Variants in CHM observed in about 807,000 individuals in gnomAD.
CHM encodes CHM Rab escort protein.
In CHM, 10 loss-of-function variants were observed where a neutral mutation model predicts 49.0. That is an observed-to-expected ratio of 0.20 (90% CI 0.13 to 0.35). CHM has a LOEUF of 0.35. Among genes scored for constraint, CHM ranks in the 10% least tolerant of loss-of-function variants. CHM has a pLI of 1.00. For missense variants in CHM, 455 were observed against 478.4 expected (o/e 0.95, Z 0.46); for synonymous variants, 184 against 167.5 (o/e 1.10, Z -0.76).
At chrX:85,871,214 G>A (rs1924039644) in intron 14 of CHM, among the ~76,000 whole-genome samples, 1 of 101,750 alleles carries the variant, frequency 9.8e-6, no homozygotes, top group African/African-American at 3.6e-5. Flanking sequence ...GGCTGAGGCA[G>A]GAGAATGGCA....
intron 1 of CHM, among the ~76,000 whole-genome samples, chrX:86,028,878 G>T (rs189248071): frequency 9.0e-6 from 1 of 111,459 alleles, no homozygotes; most frequent in Admixed American, 9.5e-5. Flanking sequence ...CAGTCTTTTG[G>T]CAAGGGTTTA....
At chrX:86,009,417 T>C (rs978576617) in intron 2 of CHM, among the ~76,000 whole-genome samples, 1 of 111,971 alleles carries the variant, frequency 8.9e-6, no homozygotes, top group South Asian at 3.7e-4. Flanking sequence ...GCAGACAAAG[T>C]GTACACTAAC....
intron 8 of CHM, among the ~76,000 whole-genome samples, chrX:85,940,905 A>T (rs772605560): frequency 9.0e-6 from 1 of 110,979 alleles, no homozygotes; most frequent in Admixed American, 9.7e-5. Flanking sequence ...CTGATCATGC[A>T]TTCATACCTC....
In CHM at chrX:85,900,977, A is replaced by C. The variant is rs1306660220; in HGVS notation, c.1349+107T>G. The C allele has an allele frequency of 7.0e-6, 4 of 575,369 alleles. No homozygotes were observed. The Admixed American group carries it at 8.7e-5, about 13-fold the overall frequency. 47.4% of individuals were successfully genotyped at this position (575,369 alleles called of 1,213,427 possible). A position where few individuals can be genotyped will look rare whatever the true frequency, so the allele number is the denominator to read the frequency against. On this transcript the variant is annotated intron_variant, in intron 10 of 14. Transcript: ENST00000357749. Reference sequence around the variant, plus strand: ...ACCCTGTAAGTGAAGTAAGATATTGAATATATCTTTGGTTTGGCATTTATT... The same window carrying C: ...ACCCTGTAAGTGAAGTAAGATATTGCATATATCTTTGGTTTGGCATTTATT...
chrX:85,920,251 A>T (rs951576535), intron 8 of CHM, among the ~76,000 whole-genome samples: 1 of 109,254 alleles, frequency 9.2e-6, no homozygotes, highest in African/African-American at 3.3e-5. Context: ...GCCCACCACC[A>T]CACCCAGCTA....
At chrX:85,987,898 C>T (rs1422269775) in intron 2 of CHM, among the ~76,000 whole-genome samples, 10 of 111,680 alleles carry the variant, frequency 9.0e-5, no homozygotes, top group Admixed American at 7.6e-4. Context: ...AGGCCCAGGA[C>T]CAGATGGATT....
At chrX:85,938,774 T>C (rs1413303846) in intron 8 of CHM, among the ~76,000 whole-genome samples, 4 of 111,055 alleles carry the variant, frequency 3.6e-5, no homozygotes, top group African/African-American at 1.3e-4. Context: ...AAAGACCTCC[T>C]CTTAATCTAG....
intron 14 of CHM, among the ~76,000 whole-genome samples, chrX:85,869,557 G>C (rs1409895496): frequency 1.8e-5 from 2 of 111,034 alleles, no homozygotes; most frequent in Non-Finnish European, 3.8e-5. Flanking sequence ...ACCTGCTTAT[G>C]AAACTCCCAC....
intron 2 of CHM, among the ~76,000 whole-genome samples, chrX:86,000,248 CCTAA>C (rs1230404434): frequency 3.2e-5 from 3 of 93,332 alleles, no homozygotes; most frequent in Non-Finnish European, 2.1e-5. Flanking sequence ...CTACTAGCTA[CCTAA>C]CTAAGTAAGT....
intron 13 of CHM, among the ~76,000 whole-genome samples, chrX:85,878,367 C>A (rs1924541567): frequency 9.1e-6 from 1 of 110,133 alleles, no homozygotes; most frequent in Non-Finnish European, 1.9e-5. Context: ...GTAGTCCCAG[C>A]TACTCAGGAG....
In CHM at chrX:85,998,475, T is replaced by TAACATTTA. The variant is rs763497546; in HGVS notation, c.117-16667_117-16666insTAAATGTT. On this transcript the variant is annotated intron_variant, in intron 2 of 14. Transcript: ENST00000357749. ...TGACTTATGATATAACATCCTGATG[T>TAACATTTA]ACCCACAATAAGTTAAAAATATCAT... Among the ~76,000 whole-genome samples the TAACATTTA allele has an allele frequency of 1.5e-4, 17 of 112,052 alleles. No homozygotes were observed. The South Asian group carries it at 6.3e-3, about 42-fold the overall frequency.
At chrX:85,970,013 G>A (rs1930806000) in intron 4 of CHM, 1 of 112,174 alleles carries the variant, frequency 8.9e-6, no homozygotes, top group Non-Finnish European at 1.9e-5. Flanking sequence ...AATACATTCT[G>A]GTACTCTATC....
intron 2 of CHM, among the ~76,000 whole-genome samples, chrX:86,026,676 T>C (rs1269581200): frequency 8.9e-6 from 1 of 112,339 alleles, no homozygotes; most frequent in Non-Finnish European, 1.9e-5. Context: ...CTCATGTTAC[T>C]TTTTGGATTC....
intron 2 of CHM, among the ~76,000 whole-genome samples, chrX:86,006,252 T>C (rs1569247344): frequency 9.0e-6 from 1 of 111,495 alleles, no homozygotes; most frequent in African/African-American, 3.3e-5. Context: ...TAGGTATTGA[T>C]GGAACGATCT....
At chrX:85,936,221 C>A (rs1482663783) in intron 8 of CHM, among the ~76,000 whole-genome samples, 1 of 111,578 alleles carries the variant, frequency 9.0e-6, no homozygotes, top group African/African-American at 3.3e-5. Flanking sequence ...ATGTTAATAC[C>A]AAATCTAGTT....
chrX:85,947,531 T>C (rs1326923932), intron 8 of CHM, among the ~76,000 whole-genome samples: 1 of 111,447 alleles, frequency 9.0e-6, no homozygotes, highest in Non-Finnish European at 1.9e-5. Context: ...GTTGAGCAGA[T>C]GCCAGTACCA....
At chrX:86,035,895 G>A (rs1405858064) in intron 1 of CHM, among the ~76,000 whole-genome samples, 5 of 101,991 alleles carry the variant, frequency 4.9e-5, no homozygotes, top group African/African-American at 1.4e-4. Context: ...CCGGGTTCAC[G>A]CCATTCTTCT....
intron 14 of CHM, among the ~76,000 whole-genome samples, chrX:85,865,324 TCC>T (rs1374937223): frequency 5.4e-5 from 6 of 111,248 alleles, no homozygotes; most frequent in Non-Finnish European, 7.5e-5. Flanking sequence ...ATTTAGCAGT[TCC>T]CCCTTTTCTC....
intron 2 of CHM, among the ~76,000 whole-genome samples, chrX:86,024,946 C>A (rs940578769): frequency 9.0e-5 from 10 of 110,871 alleles, no homozygotes; most frequent in African/African-American, 3.3e-4. Context: ...TTAATATTAG[C>A]CATGTTAAGG....
Sources: allele counts gnomAD v4.1 joint callset (sites outside exome capture counted in the v4.1 genomes callset), GRCh38; gene constraint gnomAD v4.1.1; transcripts MANE v1.5; gene names NCBI Gene and HGNC (gene_info 2026-07-23, HGNC 2026-07-21).